PTPRD: variants seen among roughly 807,000 people sequenced by gnomAD.
PTPRD encodes the protein protein tyrosine phosphatase receptor type D, also known as receptor-type tyrosine-protein phosphatase delta.
A neutral mutation model predicts 214.5 loss-of-function variants in PTPRD; 34 were observed. The observed-to-expected ratio is 0.16, with a 90% CI of 0.12 to 0.21. The LOEUF (loss-of-function observed/expected upper bound fraction) is 0.21. Among genes scored for constraint, PTPRD ranks in the 10% least tolerant of loss-of-function variants. The pLI is 1.00. For missense variants in PTPRD, 2,545 were observed against 2,398.7 expected (o/e 1.06, Z -1.27); for synonymous variants, 1,128 against 845.7 (o/e 1.33, Z -5.79).
intron 7 of PTPRD, among the ~76,000 whole-genome samples, chr9:9,711,490 C>T (rs189458699): frequency 1.3e-5 from 2 of 151,954 alleles, no homozygotes; most frequent in African/African-American, 2.4e-5. Flanking sequence ...AATTATATGC[C>T]TAATAATAAT....
chr9:9,517,675 AG>A (rs2096870735), intron 8 of PTPRD, among the ~76,000 whole-genome samples: 1 of 152,114 alleles, frequency 6.6e-6, no homozygotes, highest in African/African-American at 2.4e-5. Context: ...GAAATTAAAA[AG>A]CAAGGGGTCA....
rs79630009 is a variant in PTPRD, at chr9:10,542,199, T to G, written c.-600+70199A>C. On this transcript the variant is annotated intron_variant, in intron 2 of 45. Coordinates refer to ENST00000381196, the MANE Select transcript of PTPRD (RefSeq NM_002839.4). ...TTACTTAATAAACACAGCTGCTTTG[T>G]ACTAAGAATAGCCTCCTCCTGTCAA... 2.2e-3 allele frequency among the ~76,000 whole-genome samples: 332 copies of G among 152,264 alleles called. 3 individuals are homozygous for G. The highest frequency in any genetic ancestry group is 4.0e-3 in the Non-Finnish European group (269 of 67,986).
At chr9:9,717,438 G>A (rs1187401307) in intron 7 of PTPRD, among the ~76,000 whole-genome samples, 2 of 152,190 alleles carry the variant, frequency 1.3e-5, no homozygotes, top group African/African-American at 4.8e-5. Flanking sequence ...AAATTACCTT[G>A]GGCAGTATGG....
At chr9:9,810,731 T>A (rs2153540076) in intron 5 of PTPRD, among the ~76,000 whole-genome samples, 1 of 152,122 alleles carries the variant, frequency 6.6e-6, no homozygotes, top group South Asian at 2.1e-4. Context: ...TAACACAATA[T>A]CCATACTGCA....
intron 14 of PTPRD, among the ~76,000 whole-genome samples, chr9:8,594,348 G>A (rs1564590557): frequency 6.6e-6 from 1 of 152,068 alleles, no homozygotes; most frequent in East Asian, 1.9e-4. Flanking sequence ...AAATGGAAAA[G>A]TTTACTTTAT....
intron 11 of PTPRD, among the ~76,000 whole-genome samples, chr9:8,781,533 A>G (rs2095697853): frequency 6.6e-6 from 1 of 152,228 alleles, no homozygotes; most frequent in Non-Finnish European, 1.5e-5. Context: ...AGTATAGGAA[A>G]ACAGGAAAAA....
chr9:10,555,225 G>A (rs936800390), intron 2 of PTPRD, among the ~76,000 whole-genome samples: 2 of 152,056 alleles, frequency 1.3e-5, no homozygotes, highest in African/African-American at 2.4e-5. Context: ...TTTTTACATA[G>A]CTAAAACCAA....
At chr9:8,769,016 T>G (rs994042526) in intron 11 of PTPRD, among the ~76,000 whole-genome samples, 20 of 152,020 alleles carry the variant, frequency 1.3e-4, no homozygotes, top group Admixed American at 1.1e-3. Context: ...ACAGGGGAGG[T>G]GTTTAGCCAA....
chr9:8,855,388 T>C (rs2097897440), intron 11 of PTPRD, among the ~76,000 whole-genome samples: 1 of 152,154 alleles, frequency 6.6e-6, no homozygotes. Context: ...GCACATATAT[T>C]AAAATAAATT....
At chr9:10,165,676 T>C (rs1187532711) in intron 3 of PTPRD, among the ~76,000 whole-genome samples, 2 of 151,642 alleles carry the variant, frequency 1.3e-5, no homozygotes, top group African/African-American at 4.8e-5. Context: ...CTAGAATAGT[T>C]GATGAATGAA....
At chr9:10,470,937 G>A (rs1254537055) in intron 2 of PTPRD, among the ~76,000 whole-genome samples, 1 of 152,054 alleles carries the variant, frequency 6.6e-6, no homozygotes, top group Admixed American at 6.6e-5. Context: ...AAGAAAATGT[G>A]GCACATATAC....
intron 7 of PTPRD, among the ~76,000 whole-genome samples, chr9:9,706,950 C>T (rs1002309919): frequency 1.3e-5 from 2 of 151,772 alleles, no homozygotes; most frequent in African/African-American, 4.8e-5. Context: ...ACCATTTGGC[C>T]CCACTAAAAT....
At chr9:10,437,011 T>A (rs1338373445) in intron 2 of PTPRD, among the ~76,000 whole-genome samples, 1 of 151,780 alleles carries the variant, frequency 6.6e-6, no homozygotes, top group Non-Finnish European at 1.5e-5. Context: ...TTGGAAGCAG[T>A]CCCTTAGCTG....
chr9:10,231,237 A>T (rs1288301577), intron 3 of PTPRD, among the ~76,000 whole-genome samples: 1 of 151,996 alleles, frequency 6.6e-6, no homozygotes, highest in Non-Finnish European at 1.5e-5. Flanking sequence ...ATGGAAGAAT[A>T]TATGAAATAA....
intron 44 of PTPRD, among the ~76,000 whole-genome samples, chr9:8,329,197 C>G (rs1256007869): frequency 6.6e-6 from 1 of 152,174 alleles, no homozygotes. Context: ...ATGATGGTGA[C>G]CTTCAGATGG....
At chr9:8,328,368 G>A (rs1320358589) in intron 44 of PTPRD, among the ~76,000 whole-genome samples, 1 of 152,172 alleles carries the variant, frequency 6.6e-6, no homozygotes, top group Non-Finnish European at 1.5e-5. Flanking sequence ...GGCTTGTAGG[G>A]TTGCTGTCGA....
chr9:9,214,132 C>G (rs780627813), intron 9 of PTPRD, among the ~76,000 whole-genome samples: 5 of 152,136 alleles, frequency 3.3e-5, no homozygotes, highest in Non-Finnish European at 5.9e-5. Flanking sequence ...CTGCCCCCTA[C>G]TAACTAAGGA....
chr9:10,061,124 T>C lies in PTPRD; in HGVS notation c.-544-27334A>G, dbSNP rs576948344. ...GTGTTCAGCCAAGGGTATGATATAT[T>C]CCTTTTGATTTAAATAGAAAAGAAA... On this transcript the variant is annotated intron_variant, in intron 3 of 45. Coordinates refer to ENST00000381196, the MANE Select transcript of PTPRD (RefSeq NM_002839.4). 9.9e-4 allele frequency among the ~76,000 whole-genome samples: 151 copies of C among 151,874 alleles called. 1 individual carries two copies. Among genetic ancestry groups the C allele is most frequent in the Non-Finnish European group, 1.8e-3 (124 of 67,962 alleles).
intron 8 of PTPRD, among the ~76,000 whole-genome samples, chr9:9,529,040 G>C (rs548036644): frequency 3.3e-5 from 5 of 150,564 alleles, no homozygotes; most frequent in East Asian, 2.0e-4. Flanking sequence ...CTGGGTTCAA[G>C]CTCAGCCTCA....
Sources: gnomAD v4.1 joint callset for allele counts (sites outside exome capture counted in the v4.1 genomes callset) on GRCh38, gnomAD v4.1.1 for gene constraint, MANE v1.5 for transcripts, NCBI Gene and HGNC (gene_info 2026-07-23, HGNC 2026-07-21) for gene names.